Variants in CHD2 observed in about 807,000 individuals in gnomAD.
CHD2 encodes ATP-dependent chromatin remodeler CHD2.
Under a neutral mutation model 243.9 loss-of-function variants are expected in CHD2, and 28 were observed. That is an observed-to-expected ratio of 0.11 (90% CI 0.09 to 0.16). The LOEUF is 0.16. Among genes scored for constraint, CHD2 ranks in the 10% least tolerant of loss-of-function variants. CHD2 has a pLI of 1.00. For missense variants in CHD2, 1,386 were observed against 2,209.8 expected (o/e 0.63, Z 7.47); for synonymous variants, 775 against 779.0 (o/e 0.99, Z 0.09).
chr15:92,976,368 G>A (rs1303166232), intron 20 of CHD2, among the ~76,000 whole-genome samples: 1 of 152,046 alleles, frequency 6.6e-6, no homozygotes, highest in Admixed American at 6.5e-5. Flanking sequence ...AGATGGTAAA[G>A]AATACAAAGA....
At chr15:92,957,528 A>G (rs1002568848) in intron 16 of CHD2, among the ~76,000 whole-genome samples, 1 of 152,148 alleles carries the variant, frequency 6.6e-6, no homozygotes, top group Non-Finnish European at 1.5e-5. Flanking sequence ...TAAATTATGT[A>G]TGAAAATCGC....
At chr15:92,960,978 C>A (rs2053680443) in intron 16 of CHD2, among the ~76,000 whole-genome samples, 1 of 152,056 alleles carries the variant, frequency 6.6e-6, no homozygotes, top group Admixed American at 6.6e-5. Flanking sequence ...CCTGTCTCCG[C>A]CGCCTAAAGT....
chr15:92,989,600 A>G (rs536864224), intron 26 of CHD2, among the ~76,000 whole-genome samples: 5 of 152,270 alleles, frequency 3.3e-5, no homozygotes, highest in African/African-American at 1.2e-4. Flanking sequence ...ATTTCCTTAA[A>G]TGCTTTGAGC....
chr15:92,978,617 G>A (rs2053938560), intron 21 of CHD2, among the ~76,000 whole-genome samples: 1 of 152,124 alleles, frequency 6.6e-6, no homozygotes, highest in African/African-American at 2.4e-5. Context: ...GACCTTCTAT[G>A]TGTTTATCTT....
intron 13 of CHD2, chr15:92,950,551 A>G (rs2053540061): frequency 6.6e-6 from 1 of 152,168 alleles, no homozygotes; most frequent in African/African-American, 2.4e-5. Flanking sequence ...TAGAATTAGA[A>G]GTACAGGCCT....
chr15:92,939,172 T>C (rs1020408129), intron 6 of CHD2, among the ~76,000 whole-genome samples: 7 of 152,228 alleles, frequency 4.6e-5, no homozygotes, highest in Non-Finnish European at 1.0e-4. Context: ...TGTTTAGGTG[T>C]ATATCAATAG....
chr15:92,963,189 T>C (rs1567143603), intron 16 of CHD2, among the ~76,000 whole-genome samples: 2 of 152,246 alleles, frequency 1.3e-5, no homozygotes, highest in Admixed American at 6.5e-5. Context: ...ATTAATAATA[T>C]GGTTGGATTT....
At chr15:92,993,226 G>GT (rs911968151) in intron 28 of CHD2, 1,095 of 416,802 alleles carry the variant, frequency 2.6e-3, no homozygotes, top group South Asian at 3.6e-3. Flanking sequence ...AGATGAAATG[G>GT]TTTTTTTTTG....
At chr15:92,934,571 T>C (rs1248554458) in intron 5 of CHD2, among the ~76,000 whole-genome samples, 1 of 152,196 alleles carries the variant, frequency 6.6e-6, no homozygotes, top group Non-Finnish European at 1.5e-5. Context: ...TTGATAAGAT[T>C]TGCATTTTAT....
intron 38 of CHD2, among the ~76,000 whole-genome samples, chr15:93,022,775 C>T (rs2054548278): frequency 6.6e-6 from 1 of 152,228 alleles, no homozygotes; most frequent in African/African-American, 2.4e-5. Context: ...GGGTTTCCTT[C>T]TTCCTGTGTC....
chr15:93,015,407 A>G (rs2054446776), intron 37 of CHD2, among the ~76,000 whole-genome samples: 1 of 152,180 alleles, frequency 6.6e-6, no homozygotes, highest in African/African-American at 2.4e-5. Flanking sequence ...ACTTCCGATT[A>G]AGAAGAACCC....
At chr15:92,907,873 C>T (rs781468814) in intron 2 of CHD2, among the ~76,000 whole-genome samples, 54 of 152,078 alleles carry the variant, frequency 3.6e-4, no homozygotes, top group African/African-American at 1.3e-3. Context: ...CTGAGGAACT[C>T]GCTGGTTGTC....
chr15:92,981,321 C>G, intron 23 of CHD2, 44 bp from the exon 24 acceptor site: 1 of 1,406,176 alleles, frequency 7.1e-7, no homozygotes, highest in African/African-American at 1.4e-5. Context: ...GGCAACTCAT[C>G]TGTTGCCATT....
intron 3 of CHD2, among the ~76,000 whole-genome samples, chr15:92,927,021 T>G (rs1162436532): frequency 1.3e-5 from 2 of 152,152 alleles, no homozygotes; most frequent in African/African-American, 4.8e-5. Flanking sequence ...GTGTACCATA[T>G]AGATTTATAG....
chr15:92,987,591 G>A (rs2054059684), intron 26 of CHD2, among the ~76,000 whole-genome samples: 1 of 146,698 alleles, frequency 6.8e-6, no homozygotes, highest in Non-Finnish European at 1.5e-5. Context: ...CTGGGTGACA[G>A]AGCAAAACTC....
At chr15:92,921,952 A>G (rs557987604) in intron 2 of CHD2, among the ~76,000 whole-genome samples, 2 of 152,296 alleles carry the variant, frequency 1.3e-5, no homozygotes, top group African/African-American at 2.4e-5. Context: ...GGTCACAGGT[A>G]TAAAGTAAAT....
Position 92,932,083 on chromosome 15 carries a change from C to T in CHD2, c.443+2992C>T, listed in dbSNP as rs182464006. Reference sequence around the variant, plus strand: ...TTCACCATGTTGGCCAGGATGGTCTCAGTCTCTTGACCTCGTTATCAGCCT... The same window carrying T: ...TTCACCATGTTGGCCAGGATGGTCTTAGTCTCTTGACCTCGTTATCAGCCT... On this transcript the variant is annotated intron_variant, in intron 5 of 38. Transcript: ENST00000394196. 7.8e-3 allele frequency among the ~76,000 whole-genome samples: 1,181 copies of T among 152,240 alleles called. 8 individuals are homozygous for T. The highest frequency in any genetic ancestry group is 0.012 in the Non-Finnish European group (831 of 68,000).
intron 27 of CHD2, 60 bp downstream of exon 27, chr15:92,991,577 T>C: frequency 8.0e-7 from 1 of 1,250,068 alleles, no homozygotes; most frequent in Non-Finnish European, 1.1e-6. Context: ...TATAGTACGT[T>C]CTTTTTTGGT....
chr15:92,929,250 T>TAGC (rs1245384914), intron 5 of CHD2, among the ~76,000 whole-genome samples, 159 bp downstream of exon 5: 2 of 152,184 alleles, frequency 1.3e-5, no homozygotes, highest in East Asian at 1.9e-4. Context: ...CCTGTTGCAA[T>TAGC]AGCAGCAGCA....
Sources: gnomAD v4.1 joint callset for allele counts (sites outside exome capture counted in the v4.1 genomes callset) on GRCh38, gnomAD v4.1.1 for gene constraint, MANE v1.5 for transcripts, NCBI Gene and HGNC (gene_info 2026-07-23, HGNC 2026-07-21) for gene names.